The following SCD variants were observed in gnomAD, a reference collection of about 807,000 sequenced individuals.
SCD encodes stearoyl-CoA desaturase, also known as acyl-CoA desaturase.
A neutral mutation model predicts 35.7 loss-of-function variants in SCD; 4 were observed. That is an observed-to-expected ratio of 0.11 (90% CI 0.06 to 0.26). The LOEUF (loss-of-function observed/expected upper bound fraction) is 0.26, where lower values mean the gene tolerates loss of function less well. SCD is among the 10% of genes least tolerant of loss of function. The probability of loss-of-function intolerance (pLI) is 1.00; values close to 1 mark genes in which losing one functional copy is unlikely to be tolerated. For missense variants in SCD, 282 were observed against 460.7 expected, an observed-to-expected ratio of 0.61 and a Z score of 3.55; for synonymous variants, 150 against 170.2, an observed-to-expected ratio of 0.88 and a Z score of 0.92.
intron 2 of SCD, among the ~76,000 whole-genome samples, chr10:100,349,554 G>C (rs1013741103): frequency 2.6e-5 from 4 of 152,194 alleles, no homozygotes; most frequent in Admixed American, 1.3e-4. Context: ...TTGAGCTTTT[G>C]TTTCCAGAAA....
rs1849884413 is a variant in SCD at position 100,352,714 on chromosome 10, C to A, written c.441+218C>A. ...GGAACTGGAAGATAATTGGAAAATA[C>A]TCCTGATGTGTAGGAATATTTTTGA... On this transcript the variant is annotated intron_variant, in intron 3 of 5. Coordinates refer to ENST00000370355, the MANE Select transcript of SCD (RefSeq NM_005063.5). This position sits in a 1 kb window ranked among gnomAD's most constrained non-coding sequence, Gnocchi z 4.2. Among the ~76,000 whole-genome samples, 1 of 152,218 alleles carries A rather than the reference C, an allele frequency of 6.6e-6. No individual in the cohort carries two copies. The highest frequency in any genetic ancestry group is 2.1e-4 in the South Asian group (1 of 4,830).
chr10:100,354,389 A>G (rs375706376), intron 3 of SCD, 38 bp from the exon 4 acceptor site: 62 of 1,570,910 alleles, frequency 3.9e-5, no homozygotes, highest in Non-Finnish European at 5.3e-5. Flanking sequence ...TAGGGTGTCT[A>G]TCCTCAAGCC....
chr10:100,360,920 A>G lies in SCD; in HGVS notation c.1067A>G (p.Tyr356Cys), dbSNP rs753358452. Reference sequence around the variant, plus strand: ...ATTAAAAGAACCGGAGATGGAAACTACAAGAGTGGCTGAGTTTGGGGTCCC... The same window carrying G: ...ATTAAAAGAACCGGAGATGGAAACTGCAAGAGTGGCTGAGTTTGGGGTCCC... ...ARIKRTGDGNYKSG is the reference protein window; with the variant it reads ...ARIKRTGDGNCKSG Residue 356 changes from tyrosine to cysteine, a missense_variant, in exon 6 of 6, where the codon TAC (tyrosine) becomes TGC (cysteine). By Grantham distance (194) the Tyr-to-Cys change is radical. This residue lies in a region of SCD where 205 missense variants were observed against 372.3 expected (regional missense o/e 0.55). Transcript: ENST00000370355. 4 of 1,614,014 alleles carry G rather than the reference A, an allele frequency of 2.5e-6. No homozygotes were observed. The highest frequency in any genetic ancestry group is 2.2e-5 in the East Asian group (1 of 44,890).
In SCD at chr10:100,361,095, ACTCT is replaced by A. The variant is rs1481060133; in HGVS notation, c.*163_*166del. 189 of 636,602 alleles carry A rather than the reference ACTCT, an allele frequency of 3.0e-4. 2 individuals carry two copies. The East Asian group carries it at 5.0e-3, about 17-fold the overall frequency. The allele number at this position is 636,602 out of a possible 1,614,324, so 39.4% of individuals were successfully genotyped here. ...AATTCAAAAGTATTGAAAGCCAACAACTCTGCCTTTATGATGCTAAGCTGATATT... is the reference window on the plus strand; with the variant it reads ...AATTCAAAAGTATTGAAAGCCAACAAGCCTTTATGATGCTAAGCTGATATT... On this transcript the variant is annotated 3_prime_UTR_variant, in exon 6 of 6. Transcript: ENST00000370355.
intron 5 of SCD, 58 bp from the exon 6 acceptor site, chr10:100,360,676 C>A: frequency 6.7e-7 from 1 of 1,493,096 alleles, no homozygotes; most frequent in Non-Finnish European, 9.3e-7. Context: ...AACTGGTGTG[C>A]ACAAATCAAG....
Position 100,347,384 on chromosome 10 carries a change from TGCAAG to T in SCD, c.-118_-114del. The stretch of plus-strand genomic sequence containing the variant: ...GGCTAGCGCCGACAACCAGCTAGCG[TGCAAG>T]GCGCCGCGGCTCAGCGCGTACCGGC... On this transcript the variant is annotated 5_prime_UTR_variant, in exon 1 of 6. Transcript: ENST00000370355. The T allele has an allele frequency of 8.9e-7, 1 of 1,122,280 alleles. No individual in the cohort carries two copies. Among genetic ancestry groups the T allele is most frequent in the Non-Finnish European group, 1.3e-6 (1 of 753,414 alleles). The allele number at this position is 1,122,280 out of a possible 1,614,324, so 69.5% of individuals were successfully genotyped here. A position where few individuals can be genotyped will look rare whatever the true frequency, so the allele number is the denominator to read the frequency against.
At chr10:100,353,014 G>C (rs1239702179) in intron 3 of SCD, among the ~76,000 whole-genome samples, 1 of 151,970 alleles carries the variant, frequency 6.6e-6, no homozygotes, top group East Asian at 1.9e-4. Context: ...GAATAACTTA[G>C]GACTCCACCA....
At chr10:100,357,948 T>A (rs1849945165) in intron 5 of SCD, among the ~76,000 whole-genome samples, 1 of 152,216 alleles carries the variant, frequency 6.6e-6, no homozygotes, top group Non-Finnish European at 1.5e-5. Flanking sequence ...ACACTCATTT[T>A]CTTTTTCTCT....
Position 100,348,207 on chromosome 10 carries a change from C to G in SCD, c.171C>G (p.Pro57=), listed in dbSNP as rs201899393. 6.2e-7 allele frequency: 1 copy of G among 1,614,096 alleles called. No individual in the cohort carries two copies. Among genetic ancestry groups the G allele is most frequent in the Non-Finnish European group, 8.5e-7 (1 of 1,180,024 alleles). Residue 57 remains proline, a synonymous_variant, in exon 2 of 6, where the codon CCC becomes CCG. Transcript: ENST00000370355. ...ATATAAAAGATGATATATATGACCC[C>G]ACCTACAAGGATAAGGAAGGCCCAA... ...RPDIKDDIYD[P]TYKDKEGPSP... is the part of the protein sequence containing the mutation.
In SCD at chr10:100,360,863, A is replaced by G. The variant is rs200823015; in HGVS notation, c.1010A>G (p.Lys337Arg). 43 of 1,614,010 alleles carry G rather than the reference A, an allele frequency of 2.7e-5. No homozygotes were observed. The highest frequency in any genetic ancestry group is 3.6e-5 in the Non-Finnish European group (43 of 1,179,870). ...GCCCTCGGTCTGGCCTATGACCGGAAGAAAGTCTCCAAGGCCGCCATCTTG... is the reference window on the plus strand; with the variant it reads ...GCCCTCGGTCTGGCCTATGACCGGAGGAAAGTCTCCAAGGCCGCCATCTTG... ...MAALGLAYDRKKVSKAAILAR... is the reference protein window; with the variant it reads ...MAALGLAYDRRKVSKAAILAR... The change falls in exon 6 of 6, where the codon AAG becomes AGG. Residue 337 changes from lysine (K) to arginine (R), a missense_variant. Physicochemically the swap from Lys to Arg is conservative, Grantham distance 26. Coordinates refer to ENST00000370355, the MANE Select transcript of SCD (RefSeq NM_005063.5).
At chr10:100,353,459 C>A (rs1849892322) in intron 3 of SCD, among the ~76,000 whole-genome samples, 1 of 151,902 alleles carries the variant, frequency 6.6e-6, no homozygotes, top group Non-Finnish European at 1.5e-5. Flanking sequence ...GTGGCGGGCA[C>A]CTGTAGTCCC....
chr10:100,358,598 CAAA>C (rs547927999), intron 5 of SCD, among the ~76,000 whole-genome samples: 2 of 78,600 alleles, frequency 2.5e-5, no homozygotes, highest in Non-Finnish European at 2.4e-5. Context: ...GACTCCGTCT[CAAA>C]AAAAAAAAAA....
At chr10:100,354,307 ATTCCTGGGTATTTTGTGAGG>A in intron 3 of SCD, 100 bp from the exon 4 acceptor site, 12 of 842,806 alleles carry the variant, frequency 1.4e-5, no homozygotes, top group Non-Finnish European at 2.3e-5. Context: ...TGGAGCCCAG[ATTCCTGGGTATTTTGTGAGG>A]TTGGGCTGAG....
In SCD at chr10:100,363,609, C is replaced by A. The variant is rs1192952130; in HGVS notation, c.*2676C>A. 1.3e-5 allele frequency: 2 copies of A among 152,258 alleles called. No homozygotes were observed. The highest frequency in any genetic ancestry group is 6.5e-5 in the Admixed American group (1 of 15,282). 9.4% of individuals were successfully genotyped at this position (152,258 alleles called of 1,614,324 possible). A position where few individuals can be genotyped will look rare whatever the true frequency, so the allele number is the denominator to read the frequency against. ...TAAACAATAAAAACAACTTTCACTT[C>A]TTCCTATTGTAATCGTGTGCCATGG... is the stretch of plus-strand genomic sequence containing the variant. On this transcript the variant is annotated 3_prime_UTR_variant, in exon 6 of 6. Transcript: ENST00000370355.
chr10:100,353,300 A>G (rs560676619), intron 3 of SCD, among the ~76,000 whole-genome samples: 1 of 152,266 alleles, frequency 6.6e-6, no homozygotes, highest in Admixed American at 6.5e-5. Flanking sequence ...AAGGCAAAAA[A>G]CAAACCTGGG....
At chr10:100,350,680 A>C (rs1849861512) in intron 2 of SCD, among the ~76,000 whole-genome samples, 1 of 152,206 alleles carries the variant, frequency 6.6e-6, no homozygotes, top group Non-Finnish European at 1.5e-5. Flanking sequence ...TTTCCCTGTT[A>C]ATATAGGATC....
chr10:100,363,419 C>T lies in SCD; in HGVS notation c.*2486C>T, dbSNP rs1311757276. On this transcript the variant is annotated 3_prime_UTR_variant, in exon 6 of 6. Transcript: ENST00000370355. ...ATTGCGTAGAGGCTACAGGGGTTAGCCTGGACTAAAGGCATCCTTGTCTTT... is the reference window on the plus strand; with the variant it reads ...ATTGCGTAGAGGCTACAGGGGTTAGTCTGGACTAAAGGCATCCTTGTCTTT... 1 of 152,200 alleles carries T rather than the reference C, an allele frequency of 6.6e-6. No homozygotes were observed. Among genetic ancestry groups the T allele is most frequent in the East Asian group, 1.9e-4 (1 of 5,194 alleles). 9.4% of individuals were successfully genotyped at this position (152,200 alleles called of 1,614,324 possible).
At position 100,356,416 on chromosome 10, in the gene SCD, C is replaced by A; in HGVS notation, c.648-116C>A. The A allele has an allele frequency of 1.3e-6, 1 of 754,614 alleles. No individual in the cohort carries two copies. The highest frequency in any genetic ancestry group is 1.6e-5 in the South Asian group (1 of 61,848). The allele number at this position is 754,614 out of a possible 1,614,324, so 46.7% of individuals were successfully genotyped here. A position where few individuals can be genotyped will look rare whatever the true frequency, so the allele number is the denominator to read the frequency against. ...ATAAATAAAACAATGAACTTAGAGTCAGACAAGCAATTCAACATGGAAGAA... is the reference window on the plus strand; with the variant it reads ...ATAAATAAAACAATGAACTTAGAGTAAGACAAGCAATTCAACATGGAAGAA... On this transcript the variant is annotated intron_variant, in intron 4 of 5. Transcript: ENST00000370355. The surrounding 1 kb of genome is among the most constrained non-coding windows in gnomAD (Gnocchi z 4.1).
intron 4 of SCD, 68 bp downstream of exon 4, chr10:100,354,700 C>A: frequency 1.6e-6 from 2 of 1,222,310 alleles, no homozygotes; most frequent in Non-Finnish European, 2.4e-6. Context: ...CCCATTTTTT[C>A]TCCTGAGACT....
Sources: gnomAD v4.1 joint callset for allele counts (sites outside exome capture counted in the v4.1 genomes callset) on GRCh38, gnomAD v4.1.1 for gene constraint, gnomAD v4.1.1 regional missense constraint, Gnocchi (gnomAD v3.1) non-coding constraint, MANE v1.5 for transcripts, NCBI Gene and HGNC (gene_info 2026-07-23, HGNC 2026-07-21) for gene names.